The following ATXN3 variants were observed in gnomAD, a reference collection of about 807,000 sequenced individuals.
ATXN3 encodes ataxin 3.
A neutral mutation model predicts 58.2 loss-of-function variants in ATXN3; 28 were observed. That is an observed-to-expected ratio of 0.48 (90% confidence interval 0.36 to 0.66). The LOEUF is 0.66. ATXN3 is among the 30% of genes least tolerant of loss of function. The pLI, the probability that ATXN3 is intolerant of heterozygous loss-of-function variation, is 0.00. For synonymous variants in ATXN3, 113 were observed against 138.5 expected, an observed-to-expected ratio of 0.82 and a Z score of 1.29; for missense variants, 321 against 422.1, an observed-to-expected ratio of 0.76 and a Z score of 2.10.
Position 92,062,404 on chromosome 14 carries a change from A to C in ATXN3, c.*1916T>G, listed in dbSNP as rs1286822323. The stretch of plus-strand genomic sequence containing the variant: ...AATGCATATTGGTTTTCTCATTTTT[A>C]TATTAGGTAGCTCATCAATTCAAGT... On this transcript the variant is annotated 3_prime_UTR_variant, in exon 11 of 11. Coordinates refer to ENST00000644486, the MANE Select transcript of ATXN3 (RefSeq NM_004993.6). The C allele has an allele frequency of 6.6e-6, 1 of 152,228 alleles. No homozygotes were observed. The allele number at this position is 152,228 out of a possible 1,614,324, so 9.4% of individuals were successfully genotyped here. A position where few individuals can be genotyped will look rare whatever the true frequency, so the allele number is the denominator to read the frequency against.
intron 1 of ATXN3, among the ~76,000 whole-genome samples, chr14:92,100,476 T>A (rs989711087): frequency 1.3e-5 from 2 of 152,024 alleles, no homozygotes; most frequent in African/African-American, 4.8e-5. Context: ...ATGGAAATTG[T>A]GTTTACTCAC....
chr14:92,086,647 C>T (rs1395459748), intron 6 of ATXN3, among the ~76,000 whole-genome samples: 2 of 151,374 alleles, frequency 1.3e-5, no homozygotes, highest in African/African-American at 2.4e-5. Context: ...GCAGGAGAAT[C>T]GCTTGAACCC....
intron 1 of ATXN3, among the ~76,000 whole-genome samples, chr14:92,103,124 A>C (rs1214575666): frequency 3.3e-5 from 5 of 150,474 alleles, no homozygotes; most frequent in African/African-American, 7.3e-5. Context: ...AAAAAAAAAA[A>C]AAACAAAGCA....
chr14:92,088,883 A>G (rs2063153733), intron 5 of ATXN3, 66 bp from the exon 6 acceptor site: 1 of 867,710 alleles, frequency 1.2e-6, no homozygotes, highest in African/African-American at 1.7e-5. Flanking sequence ...TTCACATGTT[A>G]AGAATAGATA....
intron 10 of ATXN3, 191 bp downstream of exon 10, chr14:92,070,744 C>CT (rs774529009): frequency 0.13 from 124,517 of 973,920 alleles, 1,158 homozygotes; most frequent in African/African-American, 0.23. Context: ...CCACATCTAG[C>CT]TTTTTTTTTT....
At chr14:92,101,557 T>C (rs1230289429) in intron 1 of ATXN3, among the ~76,000 whole-genome samples, 1 of 152,148 alleles carries the variant, frequency 6.6e-6, no homozygotes, top group Non-Finnish European at 1.5e-5. Flanking sequence ...AGTTCAGCGG[T>C]ATTGAAATCT....
intron 9 of ATXN3, among the ~76,000 whole-genome samples, chr14:92,077,260 A>G (rs1002050267): frequency 4.6e-5 from 7 of 152,228 alleles, no homozygotes; most frequent in African/African-American, 1.4e-4. Flanking sequence ...GGAAATGAGT[A>G]CAACACTTAC....
chr14:92,056,353 T>C (rs2057465099), downstream of ATXN3, among the ~76,000 whole-genome samples: 1 of 152,192 alleles, frequency 6.6e-6, no homozygotes, highest in Non-Finnish European at 1.5e-5. Context: ...TGCCGGTATG[T>C]AAAAAAGCTA....
chr14:92,104,694 G>A lies in ATXN3; in HGVS notation c.24+1835C>T, dbSNP rs1002281948. Among the ~76,000 whole-genome samples the A allele has an allele frequency of 3.3e-5, 5 of 152,086 alleles. No individual in the cohort carries two copies. In the East Asian group the frequency reaches 9.7e-4, roughly 30 times the overall value. On this transcript the variant is annotated intron_variant, in intron 1 of 10. Transcript: ENST00000644486. ...TAATCCCAGCACTTTGGGAGGCCGA[G>A]GCGGGCGGACCACCTGTCAGGAGTT...
intron 2 of ATXN3, 28 bp downstream of exon 2, chr14:92,096,646 T>C (rs773207107): frequency 1.4e-6 from 2 of 1,467,970 alleles, no homozygotes; most frequent in Non-Finnish European, 9.2e-7. Flanking sequence ...AAAAAAGAAA[T>C]GTGACTTAGT....
intron 1 of ATXN3, among the ~76,000 whole-genome samples, chr14:92,103,397 T>C (rs901650492): frequency 1.3e-5 from 2 of 152,186 alleles, no homozygotes; most frequent in Non-Finnish European, 2.9e-5. Flanking sequence ...ACCATATATA[T>C]CTCAGAAACT....
Position 92,062,268 on chromosome 14 carries a change from A to G in ATXN3, c.*2052T>C, listed in dbSNP as rs2057831391. 6.6e-6 allele frequency: 1 copy of G among 152,202 alleles called. No individual in the cohort carries two copies. The highest frequency in any genetic ancestry group is 1.5e-5 in the Non-Finnish European group (1 of 68,042). 9.4% of individuals were successfully genotyped at this position (152,202 alleles called of 1,614,324 possible). ...CAAGACTCCGTCTCAAAAAAAAACA[A>G]AAACAAAAACAAAAACTCTCTAGGA... On this transcript the variant is annotated 3_prime_UTR_variant, in exon 11 of 11. Coordinates refer to ENST00000644486, the MANE Select transcript of ATXN3 (RefSeq NM_004993.6).
chr14:92,045,336 G>A (rs148298989), intron 2 of ATXN3, among the ~76,000 whole-genome samples: 233 of 152,214 alleles, frequency 1.5e-3, no homozygotes, highest in South Asian at 9.3e-3. Context: ...AGGCCAGTCC[G>A]TTATCGGACT....
At chr14:92,070,442 T>C (rs979133144) in intron 10 of ATXN3, among the ~76,000 whole-genome samples, 1 of 151,988 alleles carries the variant, frequency 6.6e-6, no homozygotes, top group Non-Finnish European at 1.5e-5. Flanking sequence ...AGCCAGGCGA[T>C]GTGGCGGGCG....
downstream of ATXN3, among the ~76,000 whole-genome samples, chr14:92,056,405 T>C (rs145359563): frequency 2.0e-5 from 3 of 152,326 alleles, no homozygotes; most frequent in Non-Finnish European, 2.9e-5. Flanking sequence ...AAAATGTGCA[T>C]ATATCATACA....
At chr14:92,072,698 A>T (rs961217725) in intron 9 of ATXN3, among the ~76,000 whole-genome samples, 1 of 53,832 alleles carries the variant, frequency 1.9e-5, no homozygotes, top group African/African-American at 1.3e-4. Context: ...ATAGGTTAAA[A>T]AAAAAAAAAA....
intron 6 of ATXN3, among the ~76,000 whole-genome samples, chr14:92,085,977 T>C (rs1370226717): frequency 6.6e-6 from 1 of 151,642 alleles, no homozygotes; most frequent in Non-Finnish European, 1.5e-5. Flanking sequence ...GTTTTAAATA[T>C]AAAAGAAAAA....
intron 10 of ATXN3, among the ~76,000 whole-genome samples, chr14:92,065,567 G>C (rs1164812387): frequency 2.0e-5 from 3 of 151,712 alleles, no homozygotes; most frequent in African/African-American, 7.3e-5. Context: ...GTGGAACAAT[G>C]TGTCAGTTGT....
In ATXN3 at chr14:92,080,756, G is replaced by C. The variant is rs768919726; in HGVS notation, c.872+209C>G. 24 of 538,448 alleles carry C rather than the reference G, an allele frequency of 4.5e-5. 1 individual carries two copies. Among genetic ancestry groups the C allele is most frequent in the South Asian group, 3.7e-4 (24 of 64,826 alleles). 33.4% of individuals were successfully genotyped at this position (538,448 alleles called of 1,614,324 possible). On this transcript the variant is annotated intron_variant, in intron 9 of 10. Transcript: ENST00000644486. ...TCACTGTGTTGCCCAGGCTGGTCTC[G>C]AACTCCTGACCTCAGGCAATCTGCC... is the stretch of plus-strand genomic sequence containing the variant.
Sources: allele counts gnomAD v4.1 joint callset (sites outside exome capture counted in the v4.1 genomes callset), GRCh38; gene constraint gnomAD v4.1.1; transcripts MANE v1.5; gene names NCBI Gene and HGNC (gene_info 2026-07-23, HGNC 2026-07-21).